The following SLC8A1 variants were observed in gnomAD, a reference collection of about 807,000 sequenced individuals.
SLC8A1 encodes the protein solute carrier family 8 member A1.
In SLC8A1, 18 loss-of-function variants were observed where a neutral mutation model predicts 68.3. The ratio of observed to expected loss-of-function variants is 0.26; its 90% CI spans 0.18 to 0.39. SLC8A1 has a LOEUF of 0.39. Among genes scored for constraint, SLC8A1 ranks in the 10% least tolerant of loss-of-function variants. The probability of loss-of-function intolerance (pLI) is 1.00; values close to 1 mark genes in which losing one functional copy is unlikely to be tolerated. For synonymous variants in SLC8A1, 475 were observed against 415.5 expected (o/e 1.14, Z -1.74); for missense variants, 985 against 1,156.7 (o/e 0.85, Z 2.15).
At chr2:40,480,423 T>C (rs1704556763) in intron 1 of SLC8A1, among the ~76,000 whole-genome samples, 1 of 152,096 alleles carries the variant, frequency 6.6e-6, no homozygotes, top group South Asian at 2.1e-4. Flanking sequence ...GCATCATGTG[T>C]GGACACAGAA....
intron 2 of SLC8A1, among the ~76,000 whole-genome samples, chr2:40,358,048 G>GAAAAAAA (rs776231355): frequency 1.8e-4 from 14 of 77,700 alleles, no homozygotes; most frequent in African/African-American, 6.7e-4. Flanking sequence ...GCAACTGAAG[G>GAAAAAAA]AAAAAAAAAA....
chr2:40,180,346 TG>T (rs2049266454), intron 2 of SLC8A1, among the ~76,000 whole-genome samples: 2 of 152,210 alleles, frequency 1.3e-5, no homozygotes, highest in South Asian at 4.1e-4. Flanking sequence ...AAGGAATGAT[TG>T]ATTATTTGAT....
intron 2 of SLC8A1, among the ~76,000 whole-genome samples, chr2:40,320,648 G>C (rs551415088): frequency 2.0e-5 from 3 of 152,236 alleles, no homozygotes; most frequent in Non-Finnish European, 4.4e-5. Flanking sequence ...TCACTGTTAA[G>C]AAAAGTGTTA....
intron 6 of SLC8A1, among the ~76,000 whole-genome samples, chr2:40,143,805 G>C (rs1472612666): frequency 6.6e-6 from 1 of 152,120 alleles, no homozygotes; most frequent in Non-Finnish European, 1.5e-5. Flanking sequence ...TTCTTTACGT[G>C]TCTCTCTACC....
chr2:40,120,949 T>TA (rs1173213317), intron 7 of SLC8A1: 1 of 152,258 alleles, frequency 6.6e-6, no homozygotes, highest in East Asian at 1.9e-4. Context: ...GAGCTTTGCT[T>TA]AAAAAATGTA....
chr2:40,305,391 C>A (rs2072373313), intron 2 of SLC8A1, among the ~76,000 whole-genome samples: 1 of 152,194 alleles, frequency 6.6e-6, no homozygotes, highest in African/African-American at 2.4e-5. Flanking sequence ...CACTAGGTAT[C>A]AATAGCATCT....
Position 40,114,283 on chromosome 2 carries a change from G to GA in SLC8A1, c.*969dup, listed in dbSNP as rs1367325806. The stretch of plus-strand genomic sequence containing the variant: ...CATGGATGCCTTTGAAAATAAAACT[G>GA]ACAGACAATCCCAAGCAACGGCAAC... On this transcript the variant is annotated 3_prime_UTR_variant, in exon 8 of 8. Transcript: ENST00000406785. The GA allele has an allele frequency of 3.3e-5, 5 of 152,762 alleles. No homozygotes were observed. In the Admixed American group the frequency reaches 3.3e-4, roughly 10 times the overall value. The allele number at this position is 152,762 out of a possible 1,614,324, so 9.5% of individuals were successfully genotyped here. A position where few individuals can be genotyped will look rare whatever the true frequency, so the allele number is the denominator to read the frequency against.
chr2:40,252,822 A>AAAATTTGGCTCAAAT (rs1416157643), intron 2 of SLC8A1, among the ~76,000 whole-genome samples: 14 of 138,028 alleles, frequency 1.0e-4, no homozygotes, highest in African/African-American at 1.4e-4. Flanking sequence ...ATACATATAT[A>AAAATTTGGCTCAAAT]TGTATATACA....
chr2:40,365,428 G>C, intron 2 of SLC8A1, among the ~76,000 whole-genome samples: 1 of 151,974 alleles, frequency 6.6e-6, no homozygotes, highest in Middle Eastern at 3.2e-3. Flanking sequence ...CCGAATATTT[G>C]GTATTCATAT....
exon 8 of SLC8A1, chr2:40,107,552 A>C (rs1026615204): frequency 6.6e-6 from 1 of 152,160 alleles, no homozygotes; most frequent in Non-Finnish European, 1.5e-5. Flanking sequence ...GTATTTTAAA[A>C]AAGTACTTCT....
chr2:40,427,225 GCT>G (rs1697110037), intron 2 of SLC8A1, among the ~76,000 whole-genome samples: 1 of 151,870 alleles, frequency 6.6e-6, no homozygotes, highest in Non-Finnish European at 1.5e-5. Context: ...ACACTGGAAG[GCT>G]CTCTCAGGAA....
At chr2:40,200,181 T>A (rs1304790403) in intron 2 of SLC8A1, among the ~76,000 whole-genome samples, 10 of 18,046 alleles carry the variant, frequency 5.5e-4, no homozygotes, top group African/African-American at 1.2e-3. Context: ...TTGATATATA[T>A]ATATATATAT....
At chr2:40,483,509 C>T (rs1486697388) in intron 1 of SLC8A1, among the ~76,000 whole-genome samples, 1 of 152,156 alleles carries the variant, frequency 6.6e-6, no homozygotes, top group Non-Finnish European at 1.5e-5. Flanking sequence ...AGAATAGCTA[C>T]AGTCAACAAA....
intron 2 of SLC8A1, among the ~76,000 whole-genome samples, chr2:40,392,257 C>G (rs533941037): frequency 1.4e-5 from 2 of 146,030 alleles, no homozygotes; most frequent in African/African-American, 2.4e-5. Flanking sequence ...AGCAAGCAAG[C>G]AAGCAAGCAA....
chr2:40,259,281 T>C (rs1574852429), intron 2 of SLC8A1, among the ~76,000 whole-genome samples: 1 of 152,316 alleles, frequency 6.6e-6, no homozygotes, highest in Non-Finnish European at 1.5e-5. Context: ...AATACTTGGC[T>C]GCTGAAAGAC....
chr2:40,484,466 C>G (rs974265717), intron 1 of SLC8A1, among the ~76,000 whole-genome samples: 1 of 152,198 alleles, frequency 6.6e-6, no homozygotes, highest in African/African-American at 2.4e-5. Context: ...CGTATCTTTA[C>G]AATAGATTAT....
intron 2 of SLC8A1, among the ~76,000 whole-genome samples, chr2:40,410,228 G>A (rs1691684848): frequency 6.6e-6 from 1 of 151,916 alleles, no homozygotes; most frequent in South Asian, 2.1e-4. Flanking sequence ...AGGATGTAAT[G>A]AAAAAAATCA....
At chr2:40,411,010 T>C (rs928497700) in intron 2 of SLC8A1, among the ~76,000 whole-genome samples, 1 of 152,068 alleles carries the variant, frequency 6.6e-6, no homozygotes, top group Admixed American at 6.6e-5. Context: ...ATAAATGATT[T>C]TGAAAAATAA....
intron 1 of SLC8A1, among the ~76,000 whole-genome samples, chr2:40,507,752 A>C (rs555786863): frequency 6.6e-6 from 1 of 152,162 alleles, no homozygotes; most frequent in South Asian, 2.1e-4. Context: ...GCTAATTGTC[A>C]GAATTAATAA....
Sources: allele counts gnomAD v4.1 joint callset (sites outside exome capture counted in the v4.1 genomes callset), GRCh38; gene constraint gnomAD v4.1.1; transcripts MANE v1.5; gene names NCBI Gene and HGNC (gene_info 2026-07-23, HGNC 2026-07-21).